The following DDX25 variants were observed in gnomAD, a reference collection of about 807,000 sequenced individuals.
DDX25 encodes ATP-dependent RNA helicase DDX25.
A neutral mutation model predicts 64.6 loss-of-function variants in DDX25; 70 were observed. That is an observed-to-expected ratio of 1.08 (90% CI 0.89 to 1.32). The LOEUF is 1.32. DDX25 is among the 40% of genes most tolerant of loss of function. The probability of loss-of-function intolerance (pLI) is 0.00; values close to 1 mark genes in which losing one functional copy is unlikely to be tolerated. For missense variants in DDX25, 587 were observed against 604.4 expected (o/e 0.97, Z 0.30); for synonymous variants, 211 against 213.3 (o/e 0.99, Z 0.09).
At chr11:125,911,710 AAC>A (rs1944971411) in intron 8 of DDX25, among the ~76,000 whole-genome samples, 1 of 152,220 alleles carries the variant, frequency 6.6e-6, no homozygotes, top group Non-Finnish European at 1.5e-5. Context: ...TTTACTTTGC[AAC>A]ACAGCTTACA....
At chr11:125,904,394 T>C (rs1944844222), upstream of DDX25, 3 of 898,168 alleles carry the variant, frequency 3.3e-6, no homozygotes, top group South Asian at 1.1e-4. Flanking sequence ...CGCACCGCGG[T>C]GGTCGCGGGC....
At chr11:125,909,833 G>A (rs967086423) in intron 6 of DDX25, among the ~76,000 whole-genome samples, 2 of 152,036 alleles carry the variant, frequency 1.3e-5, no homozygotes, top group African/African-American at 4.8e-5. Flanking sequence ...TGTATTTGTA[G>A]TAGAGGTGGT....
upstream of DDX25, among the ~76,000 whole-genome samples, chr11:125,903,892 T>A (rs1424447056): frequency 6.6e-6 from 1 of 152,176 alleles, no homozygotes; most frequent in East Asian, 1.9e-4. Flanking sequence ...GTAATGTTTT[T>A]AACAAGAGAC....
intron 4 of DDX25, among the ~76,000 whole-genome samples, chr11:125,906,823 C>A (rs1243445448): frequency 7.0e-3 from 785 of 111,586 alleles, no homozygotes; most frequent in African/African-American, 7.8e-3. Flanking sequence ...GACTCCGTCT[C>A]AAAAAAAAAA....
In DDX25 at chr11:125,926,940, CCTGCCACCCTCCTGTG is replaced by C. The variant is rs980681355; in HGVS notation, c.*4065_*4080del. On this transcript the variant is annotated 3_prime_UTR_variant, in exon 12 of 12. Coordinates refer to ENST00000263576, the MANE Select transcript of DDX25 (RefSeq NM_013264.5). ...TCACCCTCGGGGTTCTGCCTTATCCCCTGCCACCCTCCTGTGCTGCCTGGGTCCCTCAGAAGGATGG... is the reference window on the plus strand; with the variant it reads ...TCACCCTCGGGGTTCTGCCTTATCCCCTGCCTGGGTCCCTCAGAAGGATGG... 8 of 152,350 alleles carry C rather than the reference CCTGCCACCCTCCTGTG, an allele frequency of 5.3e-5. No individual in the cohort carries two copies. The highest frequency in any genetic ancestry group is 1.9e-4 in the African/African-American group (8 of 41,426). The allele number at this position is 152,350 out of a possible 1,614,324, so 9.4% of individuals were successfully genotyped here. A position where few individuals can be genotyped will look rare whatever the true frequency, so the allele number is the denominator to read the frequency against.
intron 11 of DDX25, 197 bp from the exon 12 acceptor site, chr11:125,922,623 A>T (rs1004889450): frequency 4.0e-6 from 2 of 498,602 alleles, no homozygotes; most frequent in African/African-American, 3.9e-5. Context: ...GCGTATCTAG[A>T]TACATACATT....
rs1222337403 is a variant in DDX25, at chr11:125,928,240, G to C, written c.*5359G>C. The C allele has an allele frequency of 2.0e-5, 3 of 152,000 alleles. No homozygotes were observed. The highest frequency in any genetic ancestry group is 4.4e-5 in the Non-Finnish European group (3 of 68,008). The allele number at this position is 152,000 out of a possible 1,614,324, so 9.4% of individuals were successfully genotyped here. A position where few individuals can be genotyped will look rare whatever the true frequency, so the allele number is the denominator to read the frequency against. On this transcript the variant is annotated 3_prime_UTR_variant, in exon 12 of 12. Transcript: ENST00000263576. ...ATATAAACATCTGTGGTTAATTATA[G>C]TATTATATCTTTTTATTTGAAACAT...
At chr11:125,908,812 G>T (rs1323146379) in intron 6 of DDX25, among the ~76,000 whole-genome samples, 1 of 152,172 alleles carries the variant, frequency 6.6e-6, no homozygotes, top group South Asian at 2.1e-4. Flanking sequence ...TATCATAGTT[G>T]ATCTGTTCAC....
intron 1 of DDX25, 52 bp downstream of exon 1, chr11:125,904,632 C>CG: frequency 7.0e-7 from 1 of 1,422,672 alleles, no homozygotes; most frequent in Non-Finnish European, 9.2e-7. Flanking sequence ...AGCTCCCACT[C>CG]GCAGAGGGAG....
intron 8 of DDX25, among the ~76,000 whole-genome samples, chr11:125,913,497 T>C (rs550417773): frequency 2.6e-5 from 4 of 152,154 alleles, no homozygotes; most frequent in Non-Finnish European, 5.9e-5. Context: ...TCTCTCTAAA[T>C]TCAGAGAAAT....
At position 125,924,083 on chromosome 11, in the gene DDX25, G is replaced by A. The variant is rs1454187274; in HGVS notation, c.*1202G>A. On this transcript the variant is annotated 3_prime_UTR_variant, in exon 12 of 12. Transcript: ENST00000263576. ...GAGTTAAGACCAGCCTTACCAACATGGTGAAACCCCTTCTCTACTAAAAAT... is the reference window on the plus strand; with the variant it reads ...GAGTTAAGACCAGCCTTACCAACATAGTGAAACCCCTTCTCTACTAAAAAT... The A allele has an allele frequency of 6.6e-6, 1 of 152,174 alleles. No homozygotes were observed. The highest frequency in any genetic ancestry group is 2.1e-4 in the South Asian group (1 of 4,824). 9.4% of individuals were successfully genotyped at this position (152,174 alleles called of 1,614,324 possible).
In DDX25 at chr11:125,908,399, A is replaced by C; in HGVS notation, c.405-2A>C. The C allele has an allele frequency of 6.2e-7, 1 of 1,614,014 alleles. No homozygotes were observed. Among genetic ancestry groups the C allele is most frequent in the Non-Finnish European group, 8.5e-7 (1 of 1,179,888 alleles). Reference sequence around the variant, plus strand: ...TGCCCAGTGGTCTTCTCTTTTCTACAGACCCCAGAACCTCATAGCACAGAG... The same window carrying C: ...TGCCCAGTGGTCTTCTCTTTTCTACCGACCCCAGAACCTCATAGCACAGAG... On this transcript the variant is annotated splice_acceptor_variant, in intron 5 of 11. Transcript: ENST00000263576. LOFTEE classifies it high-confidence loss of function.
At chr11:125,907,423 A>G (rs1252181665) in intron 4 of DDX25, among the ~76,000 whole-genome samples, 2 of 152,162 alleles carry the variant, frequency 1.3e-5, no homozygotes, top group South Asian at 2.1e-4. Flanking sequence ...CCTGGCTAAC[A>G]CAGTGAAACC....
In DDX25 at chr11:125,905,574, A is replaced by G. The variant is rs1289755164; in HGVS notation, c.152A>G (p.Asn51Ser). The G allele has an allele frequency of 2.6e-6, 4 of 1,551,596 alleles. No homozygotes were observed. The highest frequency in any genetic ancestry group is 3.9e-5 in the Admixed American group (2 of 50,994). Residue 51 changes from asparagine to serine, a missense_variant, in exon 3 of 12, where the codon AAT (asparagine) becomes AGT (serine). Coordinates refer to ENST00000263576, the MANE Select transcript of DDX25 (RefSeq NM_013264.5). Reference protein sequence around the residue: ...RNIDGSINNINEDDEEDVVDL... With the variant: ...RNIDGSINNISEDDEEDVVDL... ...CCAGATGGTTCTATTAATAACATCA[A>G]TGAAGATGATGAAGAAGATGTAGGT... is the stretch of plus-strand genomic sequence containing the variant.
rs762895726 is a variant in DDX25, at chr11:125,908,448, C to T, written c.452C>T (p.Ala151Val). The change falls in exon 6 of 12, where the codon GCG (alanine) becomes GTG (valine). Residue 151 changes from alanine to valine, a missense_variant. Coordinates refer to ENST00000263576, the MANE Select transcript of DDX25 (RefSeq NM_013264.5). ...AQSQSGTGKT[A>V]AFVLAMLSRV... ...AGCCAGTCTGGAACAGGAAAGACAG[C>T]GGCATTTGTGTTGGCAATGTTAAGC... 27 of 1,613,800 alleles carry T rather than the reference C, an allele frequency of 1.7e-5. No homozygotes were observed. The highest frequency in any genetic ancestry group is 1.7e-4 in the Middle Eastern group (1 of 6,060).
intron 6 of DDX25, 32 bp from the exon 7 acceptor site, chr11:125,910,332 T>G (rs1296781075): frequency 1.3e-6 from 2 of 1,587,292 alleles, no homozygotes; most frequent in Non-Finnish European, 1.7e-6. Context: ...GTAAGAACCT[T>G]TCTCCTCCCC....
At position 125,922,974 on chromosome 11, in the gene DDX25, G is replaced by A. The variant is rs761314124; in HGVS notation, c.*93G>A. Reference sequence around the variant, plus strand: ...AATTTTTTTATGTTGAGGCTTTTTCGACGTGAAACTGTCACAGATGGCAAA... The same window carrying A: ...AATTTTTTTATGTTGAGGCTTTTTCAACGTGAAACTGTCACAGATGGCAAA... On this transcript the variant is annotated 3_prime_UTR_variant, in exon 12 of 12. Coordinates refer to ENST00000263576, the MANE Select transcript of DDX25 (RefSeq NM_013264.5). 16 of 1,159,024 alleles carry A rather than the reference G, an allele frequency of 1.4e-5. No homozygotes were observed. The highest frequency in any genetic ancestry group is 1.1e-4 in the East Asian group (4 of 37,746). 71.8% of individuals were successfully genotyped at this position (1,159,024 alleles called of 1,614,324 possible).
At chr11:125,913,746 C>G (rs1944997361) in intron 8 of DDX25, among the ~76,000 whole-genome samples, 1 of 151,922 alleles carries the variant, frequency 6.6e-6, no homozygotes, top group African/African-American at 2.4e-5. Context: ...CATACTGCAC[C>G]CTTTCATTCT....
intron 4 of DDX25, 35 bp from the exon 5 acceptor site, chr11:125,908,156 CAACTA>C: frequency 6.6e-7 from 1 of 1,505,392 alleles, no homozygotes; most frequent in Non-Finnish European, 9.0e-7. Flanking sequence ...TGCTACTGAC[CAACTA>C]TAATCTGTAA....
Sources: allele counts gnomAD v4.1 joint callset (sites outside exome capture counted in the v4.1 genomes callset), GRCh38; gene constraint gnomAD v4.1.1; transcripts MANE v1.5; gene names NCBI Gene and HGNC (gene_info 2026-07-23, HGNC 2026-07-21).